HTT: variants seen among roughly 807,000 people sequenced by gnomAD.
The protein encoded by HTT is huntington disease protein.
Under a neutral mutation model 362.3 loss-of-function variants are expected in HTT, and 104 were observed. That is an observed-to-expected ratio of 0.29 (90% CI 0.24 to 0.34). The LOEUF (loss-of-function observed/expected upper bound fraction) is 0.34, where lower values mean the gene tolerates loss of function less well. HTT is among the 10% of genes least tolerant of loss of function. The pLI is 1.00. For synonymous variants in HTT, 1,577 were observed against 1,548.7 expected (o/e 1.02, Z -0.43); for missense variants, 3,301 against 3,928.6 (o/e 0.84, Z 4.27).
intron 1 of HTT, among the ~76,000 whole-genome samples, chr4:3,084,373 A>G (rs1327247995): frequency 6.6e-6 from 1 of 151,844 alleles, no homozygotes; most frequent in Non-Finnish European, 1.5e-5. Flanking sequence ...CATCCAAATA[A>G]TCCAACACAC....
At chr4:3,110,389 T>C (rs1214008428) in intron 6 of HTT, among the ~76,000 whole-genome samples, 2 of 152,220 alleles carry the variant, frequency 1.3e-5, no homozygotes, top group East Asian at 3.9e-4. Context: ...CCAACTTGAG[T>C]TATCCAGCTC....
chr4:3,074,888 G>GCAGCAGCAGCAGCAA lies in HTT; in HGVS notation c.77_78insACAGCAGCAGCAGCA (p.Gln34_Gln38dup). 7.9e-7 allele frequency: 1 copy of GCAGCAGCAGCAGCAA among 1,259,884 alleles called. No individual in the cohort carries two copies. The highest frequency in any genetic ancestry group is 1.0e-6 in the Non-Finnish European group (1 of 958,464). The allele number at this position is 1,259,884 out of a possible 1,614,324, so 78.0% of individuals were successfully genotyped here. A position where few individuals can be genotyped will look rare whatever the true frequency, so the allele number is the denominator to read the frequency against. ...CCCTCAAGTCCTTCCAGCAGCAGCA[G>GCAGCAGCAGCAGCAA]CAGCAGCAGCAGCAGCAGCAGCAGC... On this transcript the variant is annotated inframe_insertion, in exon 1 of 67. Coordinates refer to ENST00000355072, the MANE Select transcript of HTT (RefSeq NM_001388492.1).
Position 3,140,597 on chromosome 4 carries a change from G to A in HTT, c.2886G>A (p.Leu962=), listed in dbSNP as rs749273603. 6.6e-5 allele frequency: 106 copies of A among 1,614,160 alleles called. No individual in the cohort carries two copies. Among genetic ancestry groups the A allele is most frequent in the Non-Finnish European group, 1.3e-5 (15 of 1,179,982 alleles). Residue 962 remains leucine (L), a synonymous_variant, in exon 22 of 67, where the codon CTG becomes CTA. Coordinates refer to ENST00000355072, the MANE Select transcript of HTT (RefSeq NM_001388492.1). The stretch of plus-strand genomic sequence containing the variant: ...CAAGAGATCAAAGCAGTGTTTACCT[G>A]AAACTTCTCATGCATGAGACGCAGC... ...AVARDQSSVY[L]KLLMHETQPP...
intron 18 of HTT, 66 bp downstream of exon 18, chr4:3,132,977 A>G: frequency 8.4e-7 from 1 of 1,188,914 alleles, no homozygotes. Context: ...CTACAATTAA[A>G]ATTGGAGCTT....
At chr4:3,145,013 G>T in intron 23 of HTT, 139 bp from the exon 24 acceptor site, 3 of 697,736 alleles carry the variant, frequency 4.3e-6, no homozygotes, top group Non-Finnish European at 7.7e-6. Flanking sequence ...ACCATGGTGG[G>T]ACAGATATCC....
chr4:3,223,759 A>G (rs1330189047), intron 55 of HTT, among the ~76,000 whole-genome samples, 199 bp downstream of exon 55: 1 of 152,236 alleles, frequency 6.6e-6, no homozygotes, highest in Non-Finnish European at 1.5e-5. Flanking sequence ...CGTGACAGGA[A>G]CTGACGTGGG....
intron 1 of HTT, among the ~76,000 whole-genome samples, chr4:3,075,367 C>T (rs1226994426): frequency 6.6e-6 from 1 of 152,254 alleles, no homozygotes; most frequent in Non-Finnish European, 1.5e-5. Flanking sequence ...AGGGGAGTCA[C>T]GGCCTCAGCC....
At position 3,222,455 on chromosome 4, in the gene HTT, C is replaced by T. The variant is rs1172215542; in HGVS notation, c.7438C>T (p.Leu2480Phe). 2.5e-6 allele frequency: 4 copies of T among 1,614,148 alleles called. No individual in the cohort carries two copies. Among genetic ancestry groups the T allele is most frequent in the Non-Finnish European group, 2.5e-6 (3 of 1,180,034 alleles). Residue 2480 changes from leucine to phenylalanine, a missense_variant, in exon 54 of 67, where the codon CTC becomes TTC. Physicochemically the swap from Leu to Phe is conservative, Grantham distance 22 (BLOSUM62 0). Transcript: ENST00000355072. ...CCTTGGTGTCCTGGTGACGCAGCCC[C>T]TCGTGATGGAGCAGGAGGAGAGCCC... ...TLLGVLVTQPLVMEQEESPPE... is the reference protein window; with the variant it reads ...TLLGVLVTQPFVMEQEESPPE...
chr4:3,230,903 A>G (rs1348846172), intron 60 of HTT, among the ~76,000 whole-genome samples: 1 of 152,126 alleles, frequency 6.6e-6, no homozygotes, highest in Non-Finnish European at 1.5e-5. Flanking sequence ...AAACATTCAG[A>G]CCATCCCAGC....
At chr4:3,109,317 C>G (rs554855868) in intron 6 of HTT, among the ~76,000 whole-genome samples, 4 of 148,756 alleles carry the variant, frequency 2.7e-5, no homozygotes, top group Non-Finnish European at 4.4e-5. Context: ...ACCTCTGTCT[C>G]CCGGGTTCAA....
chr4:3,084,508 G>C (rs1386478852), intron 1 of HTT, among the ~76,000 whole-genome samples: 1 of 152,042 alleles, frequency 6.6e-6, no homozygotes. Context: ...GGGCCAACAT[G>C]ATGAAACCCC....
intron 29 of HTT, among the ~76,000 whole-genome samples, chr4:3,165,269 G>A (rs899065502): frequency 5.9e-5 from 9 of 152,178 alleles, no homozygotes; most frequent in Non-Finnish European, 1.3e-4. Context: ...CTGGCTTGTA[G>A]GATTTCTGCA....
chr4:3,079,772 G>T (rs1278040112), intron 1 of HTT, among the ~76,000 whole-genome samples: 2 of 152,162 alleles, frequency 1.3e-5, no homozygotes, highest in Non-Finnish European at 2.9e-5. Flanking sequence ...ACAGAGTGAA[G>T]GGGAACACCG....
rs545620709 is a variant in HTT, at chr4:3,092,577, T to C, written c.347+5555T>C. Among the ~76,000 whole-genome samples, 85 of 152,246 alleles carry C rather than the reference T, an allele frequency of 5.6e-4. No individual in the cohort carries two copies. The Middle Eastern group carries it at 0.014, about 24-fold the overall frequency. On this transcript the variant is annotated intron_variant, in intron 2 of 66. Transcript: ENST00000355072. ...TTTTAAATGTTTTATAGATGAGATC[T>C]TGCTGTATTGCCCAGGCTGGTCTAG...
intron 1 of HTT, among the ~76,000 whole-genome samples, chr4:3,076,243 G>T (rs1227320449): frequency 6.6e-6 from 1 of 152,208 alleles, no homozygotes. Context: ...GGAAGTCTGT[G>T]TGTCGAGTGT....
In HTT at chr4:3,127,544, C is replaced by T; in HGVS notation, c.1683C>T (p.Ser561=). 1 of 1,614,152 alleles carries T rather than the reference C, an allele frequency of 6.2e-7. No individual in the cohort carries two copies. The highest frequency in any genetic ancestry group is 1.1e-5 in the South Asian group (1 of 91,082). Residue 561 remains serine (S), a synonymous_variant, in exon 12 of 67, where the codon AGC becomes AGT. Coordinates refer to ENST00000355072, the MANE Select transcript of HTT (RefSeq NM_001388492.1). ...AGGCCTCGTCGCCCATCAGCGACAG[C>T]TCCCAGACCACCACCGAAGGGCCTG... The part of the protein sequence containing the change: ...GTQASSPISD[S]SQTTTEGPDS...
At chr4:3,175,489 A>C (rs1718196008) in intron 33 of HTT, among the ~76,000 whole-genome samples, 1 of 152,230 alleles carries the variant, frequency 6.6e-6, no homozygotes. Flanking sequence ...ATCAATTATT[A>C]CCATAATTGA....
At chr4:3,134,610 A>G (rs1685034500) in intron 19 of HTT, 70 bp downstream of exon 19, 4 of 1,365,790 alleles carry the variant, frequency 2.9e-6, no homozygotes, top group East Asian at 2.3e-5. Context: ...ACTTGATGCA[A>G]GGAATGATGT....
chr4:3,175,951 G>A (rs1289984869), intron 33 of HTT, among the ~76,000 whole-genome samples: 2 of 151,922 alleles, frequency 1.3e-5, no homozygotes, highest in Admixed American at 6.6e-5. Flanking sequence ...AGAACTGAGG[G>A]CACTCGGTCA....
Sources: gnomAD v4.1 joint callset for allele counts (sites outside exome capture counted in the v4.1 genomes callset) on GRCh38, gnomAD v4.1.1 for gene constraint, MANE v1.5 for transcripts, NCBI Gene and HGNC (gene_info 2026-07-23, HGNC 2026-07-21) for gene names.